PCDH15: variants seen among roughly 807,000 people sequenced by gnomAD.
The protein encoded by PCDH15 is protocadherin related 15.
A neutral mutation model predicts 178.5 loss-of-function variants in PCDH15; 129 were observed. The ratio of observed to expected loss-of-function variants is 0.72; its 90% CI spans 0.63 to 0.84. The LOEUF (loss-of-function observed/expected upper bound fraction) is 0.84. PCDH15 is among the 40% of genes least tolerant of loss of function. The pLI is 0.00. For synonymous variants in PCDH15, 800 were observed against 732.0 expected (o/e 1.09, Z -1.50); for missense variants, 2,230 against 2,099.9 (o/e 1.06, Z -1.21).
rs1169302544 is a variant in PCDH15, at chr10:54,174,702, C to CTTTTTTTTT, written c.1590+8733_1590+8741dup. The stretch of plus-strand genomic sequence containing the variant: ...CTTCTTTCTTTTTTCTTTTTCTTTT[C>CTTTTTTTTT]TTTTTTTTTTTTTTTTTTTTTGAGA... On this transcript the variant is annotated intron_variant, in intron 13 of 37. Transcript: ENST00000644397. Among the ~76,000 whole-genome samples the CTTTTTTTTT allele has an allele frequency of 2.4e-3, 204 of 84,032 alleles. 5 individuals are homozygous for CTTTTTTTTT. The highest frequency in any genetic ancestry group is 3.1e-3 in the Non-Finnish European group (145 of 46,770). The allele number at this position is 84,032 out of a possible 152,430, so 55.1% of individuals were successfully genotyped here.
intron 2 of PCDH15, among the ~76,000 whole-genome samples, chr10:54,933,703 C>T (rs192849398): frequency 4.0e-4 from 61 of 151,802 alleles, no homozygotes; most frequent in Non-Finnish European, 7.5e-4. Flanking sequence ...TTTTTTAAAC[C>T]CATGCACCTT....
chr10:55,542,186 T>C (rs540742537), intron 2 of PCDH15, among the ~76,000 whole-genome samples: 3 of 151,544 alleles, frequency 2.0e-5, no homozygotes, highest in Admixed American at 6.6e-5. Context: ...AGTATGTCTA[T>C]ATATGTGCAT....
At chr10:53,888,339 T>TATATATGTACATAC (rs1564691439) in intron 26 of PCDH15, among the ~76,000 whole-genome samples, 5 of 109,562 alleles carry the variant, frequency 4.6e-5, no homozygotes, top group East Asian at 5.7e-4. Flanking sequence ...TATGTACGTA[T>TATATATGTACATAC]ATATATATAC....
At chr10:54,508,335 AG>A (rs1308587215) in intron 3 of PCDH15, among the ~76,000 whole-genome samples, 2 of 152,046 alleles carry the variant, frequency 1.3e-5, no homozygotes, top group African/African-American at 4.8e-5. Context: ...AAGTCAATAT[AG>A]TACCATGGAA....
At chr10:55,193,124 T>C (rs1324896822) in intron 1 of PCDH15, among the ~76,000 whole-genome samples, 1 of 151,998 alleles carries the variant, frequency 6.6e-6, no homozygotes, top group Non-Finnish European at 1.5e-5. Context: ...CTGCTCTTTG[T>C]ACACTGTAGT....
intron 12 of PCDH15, 68 bp downstream of exon 12, chr10:54,185,066 C>T (rs962313739): frequency 5.1e-5 from 80 of 1,566,610 alleles, no homozygotes; most frequent in Non-Finnish European, 6.9e-5. Context: ...ACATCTCTTT[C>T]AGTTCCATAC....
At chr10:54,130,411 G>A (rs2042336108) in intron 15 of PCDH15, among the ~76,000 whole-genome samples, 1 of 152,146 alleles carries the variant, frequency 6.6e-6, no homozygotes, top group East Asian at 1.9e-4. Context: ...ACTGTGACAA[G>A]TTTCACTGGC....
At chr10:55,099,821 A>G (rs1842534443) in intron 2 of PCDH15, among the ~76,000 whole-genome samples, 1 of 152,096 alleles carries the variant, frequency 6.6e-6, no homozygotes, top group African/African-American at 2.4e-5. Context: ...TAACTTTCTT[A>G]TTATCAGCTT....
intron 1 of PCDH15, among the ~76,000 whole-genome samples, chr10:54,794,131 ATATATATCT>A (rs1474580805): frequency 6.8e-6 from 1 of 146,658 alleles, no homozygotes; most frequent in Non-Finnish European, 1.5e-5. Context: ...TATAAGATAT[ATATATATCT>A]TATATATATC....
At chr10:54,179,131 C>T (rs1052288840) in intron 13 of PCDH15, among the ~76,000 whole-genome samples, 12 of 152,072 alleles carry the variant, frequency 7.9e-5, no homozygotes, top group East Asian at 3.9e-4. Context: ...ATGTTTATTG[C>T]GGCACTATTC....
At chr10:55,208,723 A>G (rs1188251251) in intron 1 of PCDH15, among the ~76,000 whole-genome samples, 2 of 151,992 alleles carry the variant, frequency 1.3e-5, no homozygotes, top group Non-Finnish European at 2.9e-5. Flanking sequence ...CCTTTCCTAC[A>G]TACCCCTGGG....
chr10:54,587,595 C>G (rs1299927246), intron 2 of PCDH15, among the ~76,000 whole-genome samples: 2 of 151,586 alleles, frequency 1.3e-5, no homozygotes. Flanking sequence ...TTGAAAGCAT[C>G]AAAGCATAAA....
chr10:54,705,211 T>C (rs1169544228), intron 1 of PCDH15, among the ~76,000 whole-genome samples: 1 of 152,088 alleles, frequency 6.6e-6, no homozygotes, highest in African/African-American at 2.4e-5. Flanking sequence ...TATCAGCTAC[T>C]ATAATTATTA....
rs1306684962 is a variant in PCDH15, at chr10:53,806,154, TA to T, written c.*424del. The T allele has an allele frequency of 5.8e-6, 1 of 171,740 alleles. No individual in the cohort carries two copies. The highest frequency in any genetic ancestry group is 2.4e-5 in the African/African-American group (1 of 41,540). The allele number at this position is 171,740 out of a possible 1,614,324, so 10.6% of individuals were successfully genotyped here. A position where few individuals can be genotyped will look rare whatever the true frequency, so the allele number is the denominator to read the frequency against. ...AGCAGCTGTATAAACTCATTGCCTG[TA>T]AATATCCTCTTACTTCTTTTTTGCC... On this transcript the variant is annotated 3_prime_UTR_variant, in exon 38 of 38. Transcript: ENST00000644397.
Position 54,065,336 on chromosome 10 carries a change from T to C in PCDH15, c.2220+1421A>G, listed in dbSNP as rs544798692. Reference sequence around the variant, plus strand: ...TTTCAGTTCTCCTTATGATTGCTGGTTTAATAGCAATCTTGTTACTGGCTA... The same window carrying C: ...TTTCAGTTCTCCTTATGATTGCTGGCTTAATAGCAATCTTGTTACTGGCTA... On this transcript the variant is annotated intron_variant, in intron 18 of 37. Coordinates refer to ENST00000644397, the MANE Select transcript of PCDH15 (RefSeq NM_001384140.1). Among the ~76,000 whole-genome samples, 34 of 152,336 alleles carry C rather than the reference T, an allele frequency of 2.2e-4. 1 individual carries two copies. Among genetic ancestry groups the C allele is most frequent in the South Asian group, 1.9e-3 (9 of 4,828 alleles).
intron 1 of PCDH15, among the ~76,000 whole-genome samples, chr10:55,174,030 T>C (rs761006957): frequency 1.8e-4 from 27 of 152,234 alleles, no homozygotes; most frequent in Non-Finnish European, 2.8e-4. Flanking sequence ...TTCAATTTTA[T>C]AGACAAAAGT....
At chr10:54,710,280 G>T (rs998995370) in intron 1 of PCDH15, among the ~76,000 whole-genome samples, 1 of 151,586 alleles carries the variant, frequency 6.6e-6, no homozygotes, top group African/African-American at 2.4e-5. Context: ...ACAAAAGCTT[G>T]TATCTAAGGG....
chr10:53,944,097 T>C (rs1318896236), intron 23 of PCDH15, among the ~76,000 whole-genome samples: 1 of 152,072 alleles, frequency 6.6e-6, no homozygotes, highest in African/African-American at 2.4e-5. Flanking sequence ...TAAAATGGGC[T>C]GAATATAAAT....
chr10:54,177,622 T>C (rs61860667), intron 13 of PCDH15, among the ~76,000 whole-genome samples: 3,067 of 152,146 alleles, frequency 0.02, 44 homozygotes, highest in Non-Finnish European at 0.029. Flanking sequence ...GAAATGATGA[T>C]CTACAAATAC....
Sources: allele counts gnomAD v4.1 joint callset (sites outside exome capture counted in the v4.1 genomes callset), GRCh38; gene constraint gnomAD v4.1.1; transcripts MANE v1.5; gene names NCBI Gene and HGNC (gene_info 2026-07-23, HGNC 2026-07-21).